Variants in PRKCE observed in about 807,000 individuals in gnomAD.
PRKCE encodes protein kinase C epsilon.
PRKCE carries 16 observed loss-of-function variants against 85.4 expected under a neutral mutation model. That is an observed-to-expected ratio of 0.19 (90% CI 0.13 to 0.28). The LOEUF is 0.28. PRKCE is among the 10% of genes least tolerant of loss of function. PRKCE has a pLI of 1.00. For synonymous variants in PRKCE, 388 were observed against 371.5 expected (o/e 1.04, Z -0.51); for missense variants, 573 against 975.2 (o/e 0.59, Z 5.49).
intron 11 of PRKCE, among the ~76,000 whole-genome samples, chr2:46,116,675 C>G (rs986908474): frequency 6.6e-6 from 1 of 152,144 alleles, no homozygotes; most frequent in Non-Finnish European, 1.5e-5. Context: ...CCCCACCCTC[C>G]TCTGTGGCTG....
At chr2:45,723,753 C>A (rs1680823001) in intron 1 of PRKCE, among the ~76,000 whole-genome samples, 3 of 152,030 alleles carry the variant, frequency 2.0e-5, no homozygotes, top group Admixed American at 6.6e-5. Context: ...TATGGGCGCC[C>A]ACCACCACAC....
intron 2 of PRKCE, among the ~76,000 whole-genome samples, chr2:45,931,900 T>C (rs1699074834): frequency 6.6e-6 from 1 of 151,848 alleles, no homozygotes; most frequent in South Asian, 2.1e-4. Flanking sequence ...AGAGACAGGG[T>C]CTTACCATGA....
At chr2:45,689,123 A>T (rs1460785511) in intron 1 of PRKCE, among the ~76,000 whole-genome samples, 1 of 152,232 alleles carries the variant, frequency 6.6e-6, no homozygotes, top group Non-Finnish European at 1.5e-5. Context: ...TAAGTTAGGG[A>T]TCACTTATTT....
intron 2 of PRKCE, among the ~76,000 whole-genome samples, chr2:45,902,061 T>C (rs374290259): frequency 1.4e-3 from 208 of 152,264 alleles, no homozygotes; most frequent in African/African-American, 4.7e-3. Flanking sequence ...ACTTACAAAC[T>C]AGGAAATTAT....
At chr2:46,023,990 A>G (rs772750523) in intron 10 of PRKCE, among the ~76,000 whole-genome samples, 1 of 152,190 alleles carries the variant, frequency 6.6e-6, no homozygotes, top group South Asian at 2.1e-4. Flanking sequence ...CTGTTATTCC[A>G]AAGAGGGATC....
At chr2:45,775,472 A>G (rs80252788) in intron 1 of PRKCE, among the ~76,000 whole-genome samples, 3,710 of 152,292 alleles carry the variant, frequency 0.024, 126 homozygotes, top group African/African-American at 0.085. Flanking sequence ...ATTTTAAATC[A>G]AAGAGCCCCC....
Position 45,868,833 on chromosome 2 carries a change from C to G in PRKCE, c.412+25770C>G, listed in dbSNP as rs190798840. On this transcript the variant is annotated intron_variant, in intron 2 of 14. Transcript: ENST00000306156. ...AATAACCAGGCATGGTGGTGCATGC[C>G]TGTAATCCCAGCTACTTGGGAGGCT... 2.6e-5 allele frequency among the ~76,000 whole-genome samples: 4 copies of G among 151,282 alleles called. No homozygotes were observed. In the East Asian group the frequency reaches 7.8e-4, roughly 29 times the overall value.
intron 2 of PRKCE, among the ~76,000 whole-genome samples, chr2:45,856,143 T>C (rs1343198027): frequency 6.6e-6 from 1 of 152,220 alleles, no homozygotes; most frequent in Non-Finnish European, 1.5e-5. Context: ...TGTATATTTC[T>C]GGGGTTTCAA....
intron 2 of PRKCE, among the ~76,000 whole-genome samples, chr2:45,856,250 A>G (rs150411077): frequency 6.6e-6 from 1 of 151,536 alleles, no homozygotes; most frequent in African/African-American, 2.4e-5. Context: ...TTTTTTTTTG[A>G]GATAGAGTCT....
At chr2:45,876,778 T>G (rs1423489588) in intron 2 of PRKCE, among the ~76,000 whole-genome samples, 1 of 152,262 alleles carries the variant, frequency 6.6e-6, no homozygotes, top group African/African-American at 2.4e-5. Context: ...ACTGTTAGAT[T>G]TAAAATCCAG....
chr2:45,817,944 G>A (rs1323599167), intron 1 of PRKCE, among the ~76,000 whole-genome samples: 2 of 152,232 alleles, frequency 1.3e-5, no homozygotes, highest in Non-Finnish European at 2.9e-5. Context: ...TCCAGCTTCA[G>A]TAACCATCAG....
At chr2:46,090,865 G>A (rs948159882) in intron 11 of PRKCE, among the ~76,000 whole-genome samples, 2 of 152,128 alleles carry the variant, frequency 1.3e-5, no homozygotes, top group African/African-American at 4.8e-5. Context: ...TGTGATACAG[G>A]GAATTTATGT....
intron 10 of PRKCE, among the ~76,000 whole-genome samples, chr2:46,011,973 TA>T (rs1467364260): frequency 6.6e-6 from 1 of 152,226 alleles, no homozygotes; most frequent in Non-Finnish European, 1.5e-5. Context: ...CACTATTTAA[TA>T]GGAATCTATC....
intron 1 of PRKCE, among the ~76,000 whole-genome samples, chr2:45,684,705 C>A (rs896378861): frequency 6.6e-6 from 1 of 152,212 alleles, no homozygotes; most frequent in Admixed American, 6.5e-5. Context: ...CCTCGATTTT[C>A]ATTTCTTTTG....
At chr2:45,778,386 C>T (rs1275253959) in intron 1 of PRKCE, among the ~76,000 whole-genome samples, 2 of 152,144 alleles carry the variant, frequency 1.3e-5, no homozygotes, top group Non-Finnish European at 1.5e-5. Context: ...AGTTTATGCT[C>T]TGGGAGACCC....
At chr2:45,659,944 A>G (rs1675561559) in intron 1 of PRKCE, among the ~76,000 whole-genome samples, 1 of 151,960 alleles carries the variant, frequency 6.6e-6, no homozygotes, top group African/African-American at 2.4e-5. Context: ...ACGCTCTATA[A>G]ATGTAGAGCT....
intron 2 of PRKCE, among the ~76,000 whole-genome samples, chr2:45,965,312 CATT>C (rs1701660934): frequency 6.6e-6 from 1 of 152,198 alleles, no homozygotes. Context: ...CACTTGCAAA[CATT>C]ATCATCTATT....
intron 2 of PRKCE, among the ~76,000 whole-genome samples, chr2:45,900,046 G>A (rs1371901904): frequency 1.3e-5 from 2 of 152,144 alleles, no homozygotes; most frequent in East Asian, 1.9e-4. Flanking sequence ...TACTAGATCA[G>A]CTAATCTATA....
intron 1 of PRKCE, among the ~76,000 whole-genome samples, chr2:45,707,646 AGCCCCT>A (rs766653309): frequency 6.6e-6 from 1 of 152,178 alleles, no homozygotes; most frequent in Non-Finnish European, 1.5e-5. Context: ...TTTTCCCCTC[AGCCCCT>A]GCTTTTGAGG....
Sources: allele counts gnomAD v4.1 joint callset (sites outside exome capture counted in the v4.1 genomes callset), GRCh38; gene constraint gnomAD v4.1.1; transcripts MANE v1.5; gene names NCBI Gene and HGNC (gene_info 2026-07-23, HGNC 2026-07-21).